PLCE1: variants seen among roughly 807,000 people sequenced by gnomAD.
PLCE1 encodes the protein 1-phosphatidylinositol 4,5-bisphosphate phosphodiesterase epsilon-1.
A neutral mutation model predicts 242.8 loss-of-function variants in PLCE1; 119 were observed. The ratio of observed to expected loss-of-function variants is 0.49; its 90% CI spans 0.42 to 0.57. The LOEUF (loss-of-function observed/expected upper bound fraction) is 0.57. PLCE1 is among the 20% of genes least tolerant of loss of function. The pLI, the probability that PLCE1 is intolerant of heterozygous loss-of-function variation, is 0.00. For missense variants in PLCE1, 2,441 were observed against 2,788.8 expected (o/e 0.88, Z 2.81); for synonymous variants, 945 against 1,017.4 (o/e 0.93, Z 1.35).
In PLCE1 at chr10:94,246,010, T is replaced by TCTCATGGTC. The variant is rs2050665700; in HGVS notation, c.2493_2494insCCTCATGGT (p.Gly831_Ser832insProHisGly). 1.2e-6 allele frequency: 2 copies of TCTCATGGTC among 1,614,058 alleles called. No homozygotes were observed. Among genetic ancestry groups the TCTCATGGTC allele is most frequent in the Admixed American group, 3.3e-5 (2 of 60,010 alleles). ...CTTTGAGCAATCCAAAGAATACGAC[T>TCTCATGGTC]CTCATGGTTCAGAGGACTCACAGAA... On this transcript the variant is annotated inframe_insertion, in exon 8 of 33. Coordinates refer to ENST00000371380, the MANE Select transcript of PLCE1 (RefSeq NM_016341.4).
chr10:94,141,147 T>G (rs2046942525), intron 3 of PLCE1, among the ~76,000 whole-genome samples: 1 of 152,216 alleles, frequency 6.6e-6, no homozygotes, highest in Non-Finnish European at 1.5e-5. Context: ...GGAAGCTTGG[T>G]AGGCACAGGA....
intron 22 of PLCE1, among the ~76,000 whole-genome samples, chr10:94,292,334 C>T (rs886660265): frequency 1.2e-4 from 18 of 152,112 alleles, no homozygotes; most frequent in African/African-American, 4.3e-4. Flanking sequence ...ACTGTTTGAA[C>T]GCTGACATGA....
At chr10:94,035,086 G>T (rs2061637896) in intron 2 of PLCE1, among the ~76,000 whole-genome samples, 1 of 152,132 alleles carries the variant, frequency 6.6e-6, no homozygotes, top group African/African-American at 2.4e-5. Flanking sequence ...TGCCTGTCCT[G>T]CTCAGCACTA....
At position 94,235,900 on chromosome 10, in the gene PLCE1, G is replaced by A. The variant is rs764175059; in HGVS notation, c.2215-15G>A. ...TATTAAGTTGCAATAGCAAATTCTC[G>A]ATTTTTTTTTGTAGTTTGTAGCAGA... On this transcript the variant is annotated splice_polypyrimidine_tract_variant and intron_variant, in intron 6 of 32. Transcript: ENST00000371380. The A allele has an allele frequency of 4.2e-5, 68 of 1,605,472 alleles. No homozygotes were observed. Among genetic ancestry groups the A allele is most frequent in the African/African-American group, 6.7e-5 (5 of 74,738 alleles).
intron 11 of PLCE1, among the ~76,000 whole-genome samples, chr10:94,255,914 A>ACACACACACT (rs1284531207): frequency 7.4e-5 from 5 of 67,282 alleles, no homozygotes; most frequent in African/African-American, 3.1e-4. Flanking sequence ...ACACACACAC[A>ACACACACACT]CTCTCTCTCT....
At chr10:94,052,390 C>T (rs1308439071) in intron 2 of PLCE1, among the ~76,000 whole-genome samples, 1 of 152,180 alleles carries the variant, frequency 6.6e-6, no homozygotes, top group African/African-American at 2.4e-5. Context: ...GGACATGAGG[C>T]AGGAGAGGCT....
Position 94,258,801 on chromosome 10 carries a change from GC to G in PLCE1, c.3557del (p.Ala1186ValfsTer15). The G allele has an allele frequency of 6.2e-7, 1 of 1,614,096 alleles. No individual in the cohort carries two copies. The highest frequency in any genetic ancestry group is 8.5e-7 in the Non-Finnish European group (1 of 1,179,966). The stretch of plus-strand genomic sequence containing the variant: ...ATGAAGGCCTTGTCTTTGTTGCAGT[GC>G]TTGGAGCAGTAGTAGCTGGCACGGG... ...LSSSNKSPSS[A>X]WSSSSWHGRI... On this transcript the variant is annotated frameshift_variant and splice_region_variant, in exon 12 of 33. Coordinates refer to ENST00000371380, the MANE Select transcript of PLCE1 (RefSeq NM_016341.4). LOFTEE classifies it high-confidence loss of function.
intron 2 of PLCE1, among the ~76,000 whole-genome samples, chr10:94,086,452 G>A (rs1365416299): frequency 6.6e-6 from 1 of 152,106 alleles, no homozygotes; most frequent in Non-Finnish European, 1.5e-5. Flanking sequence ...GCAGTAATTT[G>A]GATAATTTTG....
At position 94,042,642 on chromosome 10, in the gene PLCE1, G is replaced by A. The variant is rs143528311; in HGVS notation, c.1206+10390G>A. Among the ~76,000 whole-genome samples, 856 of 152,256 alleles carry A rather than the reference G, an allele frequency of 5.6e-3. 6 individuals carry two copies. Among genetic ancestry groups the A allele is most frequent in the Non-Finnish European group, 9.7e-3 (657 of 68,012 alleles). On this transcript the variant is annotated intron_variant, in intron 2 of 32. Coordinates refer to ENST00000371380, the MANE Select transcript of PLCE1 (RefSeq NM_016341.4). ...ACTGGGTGTGACTTTTGGATGAAAT[G>A]GGAGATGCAGGGAACAATACCAATT...
chr10:94,269,180 C>T (rs762119685), intron 17 of PLCE1, 144 bp downstream of exon 17: 4 of 550,074 alleles, frequency 7.3e-6, no homozygotes, highest in African/African-American at 2.1e-5. Context: ...TGGCTCACTG[C>T]AACCTCTGCC....
intron 1 of PLCE1, among the ~76,000 whole-genome samples, chr10:93,996,416 A>G (rs538388395): frequency 3.4e-4 from 52 of 152,314 alleles, no homozygotes; most frequent in Admixed American, 1.4e-3. Flanking sequence ...ACAGGTGATT[A>G]GGAAACATGG....
chr10:94,108,191 G>A (rs1590041067), intron 2 of PLCE1, among the ~76,000 whole-genome samples: 2 of 152,126 alleles, frequency 1.3e-5, no homozygotes, highest in African/African-American at 4.8e-5. Context: ...CATTGGTAAG[G>A]CCTCCCAACC....
intron 2 of PLCE1, among the ~76,000 whole-genome samples, chr10:94,062,592 TTG>T (rs1491078348): frequency 8.0e-5 from 8 of 100,584 alleles, no homozygotes; most frequent in South Asian, 2.9e-4. Context: ...GTTTTTTTTT[TTG>T]TTTTGTTTTG....
chr10:94,081,722 A>G (rs1021041770), intron 2 of PLCE1, among the ~76,000 whole-genome samples: 3 of 152,232 alleles, frequency 2.0e-5, no homozygotes, highest in Admixed American at 6.5e-5. Context: ...TTATAGATGA[A>G]GTGACTGAAG....
chr10:94,099,345 G>A (rs1326910792), intron 2 of PLCE1, among the ~76,000 whole-genome samples: 1 of 152,164 alleles, frequency 6.6e-6, no homozygotes, highest in African/African-American at 2.4e-5. Flanking sequence ...TGCCAGTCCT[G>A]TGCTCAGTAC....
intron 2 of PLCE1, chr10:94,105,903 C>T (rs556958487): frequency 1.1e-3 from 161 of 152,296 alleles, no homozygotes; most frequent in African/African-American, 3.8e-3. Context: ...TTATGCCAAG[C>T]CTTTTTTCAC....
At chr10:94,289,437 A>G (rs2052571658) in intron 22 of PLCE1, among the ~76,000 whole-genome samples, 1 of 152,230 alleles carries the variant, frequency 6.6e-6, no homozygotes, top group African/African-American at 2.4e-5. Flanking sequence ...TCACTTAATC[A>G]GGGAGAGACA....
At chr10:94,036,193 C>T (rs923833616) in intron 2 of PLCE1, among the ~76,000 whole-genome samples, 2 of 152,140 alleles carry the variant, frequency 1.3e-5, no homozygotes, top group African/African-American at 2.4e-5. Flanking sequence ...ATGCTACCCA[C>T]CACACAGTTC....
intron 2 of PLCE1, among the ~76,000 whole-genome samples, chr10:94,059,505 G>A (rs1376156029): frequency 6.6e-6 from 1 of 152,098 alleles, no homozygotes; most frequent in Non-Finnish European, 1.5e-5. Context: ...GGGGGTGTGT[G>A]TGCAGAAATA....
Sources: gnomAD v4.1 joint callset for allele counts (sites outside exome capture counted in the v4.1 genomes callset) on GRCh38, gnomAD v4.1.1 for gene constraint, MANE v1.5 for transcripts, NCBI Gene and HGNC (gene_info 2026-07-23, HGNC 2026-07-21) for gene names.